CSMD1: variants seen among roughly 807,000 people sequenced by gnomAD.
The protein encoded by CSMD1 is CUB and sushi domain-containing protein 1.
A neutral mutation model predicts 417.5 loss-of-function variants in CSMD1; 213 were observed. That is an observed-to-expected ratio of 0.51 (90% CI 0.46 to 0.57). The LOEUF is 0.57. CSMD1 is among the 20% of genes least tolerant of loss of function. The pLI is 0.00. For synonymous variants in CSMD1, 2,862 were observed against 1,736.8 expected (o/e 1.65, Z -16.11); for missense variants, 6,923 against 4,529.7 (o/e 1.53, Z -15.17).
intron 7 of CSMD1, among the ~76,000 whole-genome samples, chr8:3,654,260 GA>G (rs1797996142): frequency 6.6e-6 from 1 of 152,104 alleles, no homozygotes; most frequent in African/African-American, 2.4e-5. Flanking sequence ...TATTTAAAAT[GA>G]CATTCTTAGC....
chr8:3,628,962 A>T (rs1796632795), intron 7 of CSMD1, among the ~76,000 whole-genome samples: 1 of 152,202 alleles, frequency 6.6e-6, no homozygotes, highest in African/African-American at 2.4e-5. Flanking sequence ...GAAGAATAAA[A>T]GATAAAGAAG....
At chr8:2,953,453 C>CA (rs35592012) in intron 65 of CSMD1, among the ~76,000 whole-genome samples, 52,305 of 111,448 alleles carry the variant, frequency 0.47, 11,336 homozygotes, top group Non-Finnish European at 0.57. Flanking sequence ...AGCTTATGTC[C>CA]AAAAAAAAAA....
chr8:3,903,352 C>T (rs1248329033), intron 5 of CSMD1, among the ~76,000 whole-genome samples: 2 of 151,806 alleles, frequency 1.3e-5, no homozygotes, highest in Non-Finnish European at 2.9e-5. Context: ...TGTACTCAAC[C>T]TACAGGGTTC....
chr8:4,959,041 A>G (rs1321282723), intron 1 of CSMD1, among the ~76,000 whole-genome samples: 1 of 152,226 alleles, frequency 6.6e-6, no homozygotes, highest in Non-Finnish European at 1.5e-5. Context: ...GCCATGCTAT[A>G]TAGTATATGT....
chr8:4,554,843 G>T (rs71523635), intron 2 of CSMD1, among the ~76,000 whole-genome samples: 2 of 152,170 alleles, frequency 1.3e-5, no homozygotes, highest in Non-Finnish European at 1.5e-5. Context: ...CATTGATGGG[G>T]TTAAAAGCTG....
chr8:4,977,361 C>A (rs1310562361), intron 1 of CSMD1, among the ~76,000 whole-genome samples: 1 of 152,122 alleles, frequency 6.6e-6, no homozygotes, highest in Non-Finnish European at 1.5e-5. Flanking sequence ...ACCCCAGGCC[C>A]ACTGAGCAGC....
chr8:4,175,854 C>G (rs1798009756), intron 3 of CSMD1, among the ~76,000 whole-genome samples: 1 of 151,992 alleles, frequency 6.6e-6, no homozygotes, highest in Admixed American at 6.6e-5. Context: ...AAGAAATAAC[C>G]AAAATGTTAC....
rs1182634556 is a variant in CSMD1, at chr8:4,018,518, G to C, written c.610+13387C>G. On this transcript the variant is annotated intron_variant, in intron 4 of 69. Coordinates refer to ENST00000635120, the MANE Select transcript of CSMD1 (RefSeq NM_033225.6). ...AAGGGGAGGCAGCCAAAGCCCAGCA[G>C]CTTCCCTCTCTCTGGGACCAGCCAG... Among the ~76,000 whole-genome samples, 3 of 152,222 alleles carry C rather than the reference G, an allele frequency of 2.0e-5. No homozygotes were observed. The East Asian group carries it at 5.8e-4, about 30-fold the overall frequency.
chr8:3,320,439 C>T (rs140624790), intron 23 of CSMD1, among the ~76,000 whole-genome samples: 3 of 152,114 alleles, frequency 2.0e-5, no homozygotes, highest in African/African-American at 7.2e-5. Context: ...ATAAGCTCCT[C>T]GTACAAGTAA....
chr8:3,040,193 G>A (rs903669248), intron 50 of CSMD1, among the ~76,000 whole-genome samples: 1 of 152,014 alleles, frequency 6.6e-6, no homozygotes, highest in African/African-American at 2.4e-5. Context: ...CAAACTTTAT[G>A]TTCTGTTTAT....
At chr8:4,812,593 C>A (rs1170383407) in intron 1 of CSMD1, among the ~76,000 whole-genome samples, 1 of 151,172 alleles carries the variant, frequency 6.6e-6, no homozygotes, top group Non-Finnish European at 1.5e-5. Context: ...TCAATCCAAG[C>A]AAGCTTTTTT....
intron 47 of CSMD1, 120 bp from the exon 48 acceptor site, chr8:3,091,782 C>A: frequency 1.3e-6 from 1 of 752,592 alleles, no homozygotes; most frequent in Non-Finnish European, 2.0e-6. Context: ...ATAATTATTA[C>A]AAAAGTGGAC....
At chr8:3,848,856 A>AT (rs560146281) in intron 5 of CSMD1, among the ~76,000 whole-genome samples, 19 of 152,024 alleles carry the variant, frequency 1.2e-4, no homozygotes, top group Admixed American at 2.6e-4. Flanking sequence ...TAAAGCACAC[A>AT]TTTTTTTCAG....
At chr8:4,627,970 G>A (rs544315858) in intron 2 of CSMD1, among the ~76,000 whole-genome samples, 1 of 149,210 alleles carries the variant, frequency 6.7e-6, no homozygotes, top group South Asian at 2.2e-4. Flanking sequence ...GATTCTAAGA[G>A]CAACTATCTC....
At chr8:4,268,669 C>A (rs1004084893) in intron 3 of CSMD1, among the ~76,000 whole-genome samples, 3 of 151,482 alleles carry the variant, frequency 2.0e-5, no homozygotes, top group Non-Finnish European at 4.4e-5. Flanking sequence ...CAAGTACATA[C>A]AAAATAAGGA....
intron 3 of CSMD1, among the ~76,000 whole-genome samples, chr8:4,383,458 C>G (rs971071658): frequency 6.6e-6 from 1 of 152,148 alleles, no homozygotes; most frequent in African/African-American, 2.4e-5. Flanking sequence ...ACAGTAGTTC[C>G]TAATACTTCA....
chr8:4,697,741 A>G (rs1584958874), intron 1 of CSMD1, among the ~76,000 whole-genome samples: 4 of 152,344 alleles, frequency 2.6e-5, no homozygotes, highest in East Asian at 1.9e-4. Context: ...CTCAAAGTAA[A>G]AAAAGGAAAG....
chr8:4,308,145 CAA>C (rs1211411713), intron 3 of CSMD1, among the ~76,000 whole-genome samples: 1 of 152,168 alleles, frequency 6.6e-6, no homozygotes, highest in East Asian at 1.9e-4. Flanking sequence ...CTTAGAGAAA[CAA>C]GAGCGTTTCT....
At chr8:3,424,640 A>G (rs1279309520) in intron 12 of CSMD1, among the ~76,000 whole-genome samples, 1 of 152,232 alleles carries the variant, frequency 6.6e-6, no homozygotes, top group South Asian at 2.1e-4. Context: ...ATTCATTCAA[A>G]TAAAGAAAAA....
Sources: gnomAD v4.1 joint callset for allele counts (sites outside exome capture counted in the v4.1 genomes callset) on GRCh38, gnomAD v4.1.1 for gene constraint, MANE v1.5 for transcripts, NCBI Gene and HGNC (gene_info 2026-07-23, HGNC 2026-07-21) for gene names.